VAT1L: variants seen among roughly 807,000 people sequenced by gnomAD.
VAT1L encodes the protein putative NADPH-dependent quinone oxidoreductase VAT1L.
In VAT1L, 34 loss-of-function variants were observed where a neutral mutation model predicts 44.1. That is an observed-to-expected ratio of 0.77 (90% confidence interval 0.59 to 1.03). The LOEUF (loss-of-function observed/expected upper bound fraction) is 1.03, where lower values mean the gene tolerates loss of function less well. Among genes scored for constraint, VAT1L ranks in the 50% least tolerant of loss-of-function variants. VAT1L has a pLI of 0.00. For missense variants in VAT1L, 615 were observed against 538.8 expected, an observed-to-expected ratio of 1.14 and a Z score of -1.40; for synonymous variants, 253 against 202.2, an observed-to-expected ratio of 1.25 and a Z score of -2.13.
chr16:77,791,987 G>A (rs781530453), intron 1 of VAT1L, among the ~76,000 whole-genome samples: 1 of 152,132 alleles, frequency 6.6e-6, no homozygotes, highest in African/African-American at 2.4e-5. Context: ...TGAAGAGAGA[G>A]GGACTTGAAT....
At chr16:77,820,152 T>G (rs2016426366) in intron 2 of VAT1L, among the ~76,000 whole-genome samples, 1 of 152,208 alleles carries the variant, frequency 6.6e-6, no homozygotes, top group South Asian at 2.1e-4. Flanking sequence ...GGAATCAGAC[T>G]ATCTGAGGCC....
chr16:77,886,463 T>C (rs1260858462), intron 7 of VAT1L, among the ~76,000 whole-genome samples: 1 of 152,108 alleles, frequency 6.6e-6, no homozygotes, highest in Admixed American at 6.5e-5. Flanking sequence ...TCTGGTAACA[T>C]TTAAGTGAGA....
In VAT1L at chr16:77,925,815, G is replaced by C. The variant is rs963371230; in HGVS notation, c.1077+41013G>C. On this transcript the variant is annotated intron_variant, in intron 7 of 8. Transcript: ENST00000302536. ...ATCTACCAAACAACATAAAAAGCCA[G>C]AAGCAGCATCTTCCTTTAATTCCCC... Among the ~76,000 whole-genome samples, 3 of 151,526 alleles carry C rather than the reference G, an allele frequency of 2.0e-5. No individual in the cohort carries two copies. The South Asian group carries it at 6.2e-4, about 32-fold the overall frequency.
chr16:77,806,393 GTA>G (rs2016159590), intron 1 of VAT1L, among the ~76,000 whole-genome samples: 2 of 151,830 alleles, frequency 1.3e-5, no homozygotes, highest in African/African-American at 4.8e-5. Flanking sequence ...TGTATTTTTA[GTA>G]GAGACAGGTT....
chr16:77,953,473 C>T (rs1287982869), intron 7 of VAT1L, among the ~76,000 whole-genome samples: 1 of 152,054 alleles, frequency 6.6e-6, no homozygotes, highest in Non-Finnish European at 1.5e-5. Flanking sequence ...AAGTTATAGC[C>T]CAATACAGTT....
In VAT1L at chr16:77,904,263, T is replaced by C. The variant is rs373538215; in HGVS notation, c.1077+19461T>C. ...CTGTTCTGAGGTTTCATTCATATCC[T>C]GCTTTTTTTACAACAGCTTTTAATT... On this transcript the variant is annotated intron_variant, in intron 7 of 8. Transcript: ENST00000302536. Among the ~76,000 whole-genome samples the C allele has an allele frequency of 6.2e-4, 94 of 152,180 alleles. 1 individual carries two copies. In the South Asian group the frequency reaches 0.019, roughly 31 times the overall value.
chr16:77,921,779 T>C (rs1052857254), intron 7 of VAT1L, among the ~76,000 whole-genome samples: 1 of 152,354 alleles, frequency 6.6e-6, no homozygotes, highest in African/African-American at 2.4e-5. Flanking sequence ...GATCTCACTC[T>C]GTTGGCCGGG....
intron 1 of VAT1L, 146 bp from the exon 2 acceptor site, chr16:77,816,775 T>C (rs745722855): frequency 9.6e-7 from 1 of 1,039,068 alleles, no homozygotes; most frequent in Non-Finnish European, 1.3e-6. Context: ...TAGGGATACT[T>C]TGCCAAAAAG....
Position 77,885,562 on chromosome 16 carries a change from T to C in VAT1L, c.1077+760T>C, listed in dbSNP as rs75104278. On this transcript the variant is annotated intron_variant, in intron 7 of 8. Coordinates refer to ENST00000302536, the MANE Select transcript of VAT1L (RefSeq NM_020927.3). Reference sequence around the variant, plus strand: ...TTAAGAGGCATTTCGCTAAGAAACCTAAGTCAAGATTTCTTAGCCTTGGCT... The same window carrying C: ...TTAAGAGGCATTTCGCTAAGAAACCCAAGTCAAGATTTCTTAGCCTTGGCT... Among the ~76,000 whole-genome samples, 408 of 152,192 alleles carry C rather than the reference T, an allele frequency of 2.7e-3. 5 individuals carry two copies. Among genetic ancestry groups the C allele is most frequent in the African/African-American group, 9.4e-3 (391 of 41,528 alleles).
intron 1 of VAT1L, among the ~76,000 whole-genome samples, chr16:77,793,845 G>C (rs558100155): frequency 2.6e-5 from 4 of 152,202 alleles, no homozygotes; most frequent in Non-Finnish European, 5.9e-5. Context: ...CGAGGGTATA[G>C]TAAATTGGAG....
At chr16:77,839,678 A>G (rs1483561834) in intron 3 of VAT1L, among the ~76,000 whole-genome samples, 2 of 151,840 alleles carry the variant, frequency 1.3e-5, no homozygotes, top group African/African-American at 4.8e-5. Context: ...GTGGTACACA[A>G]CCTTGGGGCG....
chr16:77,928,777 T>C (rs408632), intron 7 of VAT1L, among the ~76,000 whole-genome samples: 149,633 of 152,164 alleles, frequency 0.98, 73,613 homozygotes, highest in South Asian at 1. Flanking sequence ...TAAATGACTG[T>C]TGAAGTCTTC....
chr16:77,890,886 T>C (rs1037955940), intron 7 of VAT1L, among the ~76,000 whole-genome samples: 7 of 146,874 alleles, frequency 4.8e-5, no homozygotes, highest in Non-Finnish European at 7.4e-5. Context: ...ATCGTACCAC[T>C]GCACTCCAGC....
At position 77,874,848 on chromosome 16, in the gene VAT1L, A is replaced by G. The variant is rs1236671713; in HGVS notation, c.723-1522A>G. Among the ~76,000 whole-genome samples the G allele has an allele frequency of 4.0e-5, 6 of 150,110 alleles. No homozygotes were observed. In the East Asian group the frequency reaches 1.2e-3, roughly 30 times the overall value. ...TGAACAAATTAATTTGTAAAAAAAA[A>G]AAAAAAAAAAAAAAAGCCAGTCTGG... On this transcript the variant is annotated intron_variant, in intron 4 of 8. Transcript: ENST00000302536.
intron 3 of VAT1L, among the ~76,000 whole-genome samples, chr16:77,828,072 G>T (rs2145249079): frequency 6.6e-6 from 1 of 152,290 alleles, no homozygotes; most frequent in South Asian, 2.1e-4. Flanking sequence ...TAGGTGGTGT[G>T]TGGCAATTAA....
At chr16:77,904,169 G>A (rs2017415086) in intron 7 of VAT1L, among the ~76,000 whole-genome samples, 1 of 148,854 alleles carries the variant, frequency 6.7e-6, no homozygotes, top group Non-Finnish European at 1.5e-5. Context: ...TCTTATTCTT[G>A]GTGTTACTGA....
rs150878382 is a variant in VAT1L, at chr16:77,864,314, T to C, written c.722+1424T>C. On this transcript the variant is annotated intron_variant, in intron 4 of 8. Transcript: ENST00000302536. Reference sequence around the variant, plus strand: ...TAGAATCATAATAAAGAAACAAGGCTGGGCACAGTGGCTCATGCCTATAAT... The same window carrying C: ...TAGAATCATAATAAAGAAACAAGGCCGGGCACAGTGGCTCATGCCTATAAT... 4.5e-4 allele frequency among the ~76,000 whole-genome samples: 68 copies of C among 152,098 alleles called. 1 individual carries two copies. The highest frequency in any genetic ancestry group is 1.6e-3 in the African/African-American group (67 of 41,530).
At chr16:77,908,131 C>A (rs538433870) in intron 7 of VAT1L, among the ~76,000 whole-genome samples, 138 of 151,218 alleles carry the variant, frequency 9.1e-4, no homozygotes, top group Non-Finnish European at 1.8e-3. Context: ...CCCAGCTACT[C>A]GGGAGGGTGA....
At chr16:77,804,266 A>G (rs1270113525) in intron 1 of VAT1L, among the ~76,000 whole-genome samples, 1 of 152,194 alleles carries the variant, frequency 6.6e-6, no homozygotes, top group Admixed American at 6.5e-5. Context: ...AACCTTAGGA[A>G]TAAATACCTC....
Sources: gnomAD v4.1 joint callset for allele counts (sites outside exome capture counted in the v4.1 genomes callset) on GRCh38, gnomAD v4.1.1 for gene constraint, MANE v1.5 for transcripts, NCBI Gene and HGNC (gene_info 2026-07-23, HGNC 2026-07-21) for gene names.